DNAH11: variants seen among roughly 807,000 people sequenced by gnomAD.
The protein encoded by DNAH11 is axonemal beta dynein heavy chain 11.
A neutral mutation model predicts 526.0 loss-of-function variants in DNAH11; 442 were observed. The observed-to-expected ratio is 0.84, with a 90% CI of 0.78 to 0.91. The LOEUF is 0.91. Among genes scored for constraint, DNAH11 ranks in the 40% least tolerant of loss-of-function variants. The probability of loss-of-function intolerance (pLI) is 0.00; values close to 1 mark genes in which losing one functional copy is unlikely to be tolerated. For missense variants in DNAH11, 6,989 were observed against 5,448.7 expected, an observed-to-expected ratio of 1.28 and a Z score of -8.90; for synonymous variants, 2,461 against 1,935.9, an observed-to-expected ratio of 1.27 and a Z score of -7.12.
chr7:21,644,090 G>C (rs531789549), intron 28 of DNAH11, among the ~76,000 whole-genome samples: 1 of 152,246 alleles, frequency 6.6e-6, no homozygotes, highest in African/African-American at 2.4e-5. Context: ...CTTGTCTTTG[G>C]AGAAATCCCC....
At chr7:21,839,843 A>G (rs1782138414) in intron 65 of DNAH11, among the ~76,000 whole-genome samples, 1 of 152,210 alleles carries the variant, frequency 6.6e-6, no homozygotes, top group Admixed American at 6.5e-5. Flanking sequence ...GTGTAAGATC[A>G]CTCTGCAGGG....
intron 30 of DNAH11, among the ~76,000 whole-genome samples, chr7:21,659,535 G>A (rs750148511): frequency 6.6e-6 from 1 of 151,850 alleles, no homozygotes; most frequent in Non-Finnish European, 1.5e-5. Flanking sequence ...ATCTTAATAT[G>A]TGCTGTGAGC....
intron 8 of DNAH11, among the ~76,000 whole-genome samples, chr7:21,573,256 GTATA>G (rs1306707339): frequency 1.3e-5 from 2 of 151,908 alleles, no homozygotes. Context: ...TACTCTTGAG[GTATA>G]TATCTGCTTG....
chr7:21,881,181 C>T (rs536236083), intron 75 of DNAH11, among the ~76,000 whole-genome samples: 31 of 152,240 alleles, frequency 2.0e-4, no homozygotes, highest in African/African-American at 7.0e-4. Flanking sequence ...TTTACATGTG[C>T]GTATATGCCA....
chr7:21,584,122 T>G (rs776338549), intron 9 of DNAH11, among the ~76,000 whole-genome samples: 5 of 152,222 alleles, frequency 3.3e-5, no homozygotes, highest in Admixed American at 1.3e-4. Context: ...TAAAGACACA[T>G]GCACACATAT....
intron 25 of DNAH11, among the ~76,000 whole-genome samples, chr7:21,631,745 C>T (rs1012844515): frequency 7.9e-5 from 12 of 152,196 alleles, no homozygotes; most frequent in African/African-American, 1.9e-4. Flanking sequence ...GTCTCCCTCC[C>T]GGCTGCTTTC....
chr7:21,690,977 T>C lies in DNAH11; in HGVS notation c.6041+96T>C, dbSNP rs948656166. The C allele has an allele frequency of 4.6e-6, 4 of 875,244 alleles. No homozygotes were observed. The African/African-American group carries it at 7.0e-5, about 15-fold the overall frequency. 54.2% of individuals were successfully genotyped at this position (875,244 alleles called of 1,614,324 possible). On this transcript the variant is annotated intron_variant, in intron 35 of 81. Coordinates refer to ENST00000409508, the MANE Select transcript of DNAH11 (RefSeq NM_001277115.2). Reference sequence around the variant, plus strand: ...AAGTGGTTTGCTTTTACTTGAAAATTCCTAAGGAAAATCCTATATGATTTC... The same window carrying C: ...AAGTGGTTTGCTTTTACTTGAAAATCCCTAAGGAAAATCCTATATGATTTC...
At chr7:21,765,610 T>TCACACACACACACACACACA (rs3219983) in intron 55 of DNAH11, 21 bp downstream of exon 55, 58 of 956,500 alleles carry the variant, frequency 6.1e-5, no homozygotes, top group South Asian at 3.6e-4. Context: ...TCAGCCTGCG[T>TCACACACACACACACACACA]CACACACACA....
chr7:21,762,484 G>C (rs11761026), intron 54 of DNAH11, among the ~76,000 whole-genome samples: 1 of 151,928 alleles, frequency 6.6e-6, no homozygotes. Flanking sequence ...TTGGGTGTGG[G>C]AAACCAACTT....
chr7:21,650,417 G>A (rs1468669581), intron 28 of DNAH11, among the ~76,000 whole-genome samples: 1 of 151,764 alleles, frequency 6.6e-6, no homozygotes, highest in East Asian at 1.9e-4. Flanking sequence ...ATGTGTCTGT[G>A]TTTGTGAGTT....
At position 21,813,877 on chromosome 7, in the gene DNAH11, C is replaced by T. The variant is rs143674782; in HGVS notation, c.10333-2590C>T. Among the ~76,000 whole-genome samples, 44 of 152,218 alleles carry T rather than the reference C, an allele frequency of 2.9e-4. 1 individual carries two copies. Among genetic ancestry groups the T allele is most frequent in the African/African-American group, 1.1e-3 (44 of 41,528 alleles). On this transcript the variant is annotated intron_variant, in intron 63 of 81. Coordinates refer to ENST00000409508, the MANE Select transcript of DNAH11 (RefSeq NM_001277115.2). ...AACCCATTTTCCTTGCTGCAGACTC[C>T]AAGAAATTCTGAAAAGACAAGTTAA...
At chr7:21,653,236 G>T (rs937933189) in intron 28 of DNAH11, among the ~76,000 whole-genome samples, 10 of 152,194 alleles carry the variant, frequency 6.6e-5, no homozygotes, top group Admixed American at 5.9e-4. Context: ...TGGGAAGAAG[G>T]AATTTTAATT....
chr7:21,711,371 CAATTGAT>C (rs894636096), intron 41 of DNAH11, among the ~76,000 whole-genome samples: 2 of 152,136 alleles, frequency 1.3e-5, no homozygotes, highest in African/African-American at 4.8e-5. Flanking sequence ...TTTCTTTGGA[CAATTGAT>C]AATTGTGGTA....
chr7:21,836,412 A>G (rs1562575221), intron 65 of DNAH11, among the ~76,000 whole-genome samples: 1 of 152,190 alleles, frequency 6.6e-6, no homozygotes, highest in African/African-American at 2.4e-5. Context: ...ACATAGACAG[A>G]TGAAACAGAA....
intron 65 of DNAH11, among the ~76,000 whole-genome samples, chr7:21,835,181 A>G (rs952731956): frequency 1.3e-5 from 2 of 151,664 alleles, no homozygotes; most frequent in African/African-American, 4.8e-5. Flanking sequence ...ATTCTATCAA[A>G]CATTTAAAGA....
At chr7:21,851,175 G>C (rs1019977081) in intron 66 of DNAH11, 1 of 163,894 alleles carries the variant, frequency 6.1e-6, no homozygotes, top group East Asian at 1.7e-4. Context: ...TCACGGGATT[G>C]GTTTCCTCCA....
In DNAH11 at chr7:21,588,595, A is replaced by G; in HGVS notation, c.1932A>G (p.Arg644=). The stretch of plus-strand genomic sequence containing the variant: ...AATGGGCCCAGCAGGTTCTCCAACG[A>G]CTTCAAATGTTTTGGTCAAACTTCG... The part of the protein sequence containing the change: ...NMKWAQQVLQ[R]LQMFWSNFAS... Residue 644 remains arginine, a synonymous_variant, in exon 11 of 82, where the codon CGA becomes CGG. Coordinates refer to ENST00000409508, the MANE Select transcript of DNAH11 (RefSeq NM_001277115.2). 1 of 1,613,764 alleles carries G rather than the reference A, an allele frequency of 6.2e-7. No homozygotes were observed. Among genetic ancestry groups the G allele is most frequent in the Non-Finnish European group, 8.5e-7 (1 of 1,179,678 alleles).
intron 54 of DNAH11, among the ~76,000 whole-genome samples, chr7:21,760,078 C>T (rs1344881767): frequency 6.7e-6 from 1 of 149,512 alleles, no homozygotes; most frequent in East Asian, 2.1e-4. Flanking sequence ...TGGAAACTAA[C>T]TTAAGCCAAT....
chr7:21,895,978 C>G (rs1784501591), intron 79 of DNAH11, among the ~76,000 whole-genome samples: 1 of 152,192 alleles, frequency 6.6e-6, no homozygotes, highest in Non-Finnish European at 1.5e-5. Flanking sequence ...ATCTGCCCGC[C>G]TCAGCCTCCC....
Sources: gnomAD v4.1 joint callset for allele counts (sites outside exome capture counted in the v4.1 genomes callset) on GRCh38, gnomAD v4.1.1 for gene constraint, MANE v1.5 for transcripts, NCBI Gene and HGNC (gene_info 2026-07-23, HGNC 2026-07-21) for gene names.